DCAF6: variants seen among roughly 807,000 people sequenced by gnomAD.
The protein encoded by DCAF6 is DDB1 and CUL4 associated factor 6.
DCAF6 carries 54 observed loss-of-function variants against 125.1 expected under a neutral mutation model. The ratio of observed to expected loss-of-function variants is 0.43; its 90% confidence interval spans 0.35 to 0.54. The LOEUF (loss-of-function observed/expected upper bound fraction) is 0.54. Ranked by LOEUF, DCAF6 falls within the 20% of genes least tolerant of loss-of-function variation. The probability of loss-of-function intolerance (pLI) is 0.01; values close to 1 mark genes in which losing one functional copy is unlikely to be tolerated. For synonymous variants in DCAF6, 371 were observed against 390.4 expected (o/e 0.95, Z 0.58); for missense variants, 934 against 1,161.7 (o/e 0.80, Z 2.85).
chr1:167,898,607 TAA>T, the DCAF6 span, among the ~76,000 whole-genome samples: 1 of 94,808 alleles, frequency 1.1e-5, no homozygotes, highest in Non-Finnish European at 2.4e-5. Context: ...TTTTTTTTTT[TAA>T]AAAAAGAATG....
the DCAF6 span, among the ~76,000 whole-genome samples, chr1:167,876,749 G>A: frequency 1.3e-5 from 2 of 152,202 alleles, no homozygotes; most frequent in East Asian, 3.8e-4. Context: ...TGTGCCCTTT[G>A]CTGTGTAACT....
the DCAF6 span, among the ~76,000 whole-genome samples, chr1:167,884,109 C>A: frequency 6.6e-6 from 1 of 152,068 alleles, no homozygotes; most frequent in South Asian, 2.1e-4. Context: ...ACAAACAATC[C>A]AATTATACTC....
At chr1:167,994,481 A>G (rs1401868043) in intron 7 of DCAF6, among the ~76,000 whole-genome samples, 1 of 152,176 alleles carries the variant, frequency 6.6e-6, no homozygotes, top group Non-Finnish European at 1.5e-5. Context: ...TTTCACAGTT[A>G]CATACTAGTG....
chr1:167,900,946 G>A, the DCAF6 span, among the ~76,000 whole-genome samples: 24 of 152,278 alleles, frequency 1.6e-4, no homozygotes, highest in East Asian at 4.4e-3. Context: ...AGAATTCTAA[G>A]TTTTGCAAAG....
chr1:168,072,857 A>C (rs1009116007), intron 21 of DCAF6, among the ~76,000 whole-genome samples: 2 of 152,132 alleles, frequency 1.3e-5, no homozygotes, highest in Non-Finnish European at 2.9e-5. Context: ...TCTTCATATC[A>C]TTATCTTCCC....
chr1:168,050,762 CACAAAGGGAAACA>C (rs1689807950), intron 16 of DCAF6, 117 bp from the exon 17 acceptor site: 2 of 447,054 alleles, frequency 4.5e-6, no homozygotes, highest in Non-Finnish European at 7.8e-6. Context: ...TGCCCGAAGT[CACAAAGGGAAACA>C]AAAGTTTTTT....
At chr1:167,906,962 C>A in the DCAF6 span, among the ~76,000 whole-genome samples, 1 of 152,094 alleles carries the variant, frequency 6.6e-6, no homozygotes, top group Non-Finnish European at 1.5e-5. Flanking sequence ...TATGGTGTAC[C>A]ATACACCTTT....
chr1:167,892,632 A>T, the DCAF6 span, among the ~76,000 whole-genome samples: 1 of 152,292 alleles, frequency 6.6e-6, no homozygotes, highest in Non-Finnish European at 1.5e-5. Context: ...TTCAAAAGCC[A>T]TGAAGAGTCA....
intron 11 of DCAF6, among the ~76,000 whole-genome samples, chr1:168,016,388 G>A (rs991092998): frequency 3.9e-5 from 6 of 152,026 alleles, no homozygotes; most frequent in African/African-American, 1.4e-4. Context: ...CTAGATTTTA[G>A]AATTATAGTA....
rs201178684 is a variant in DCAF6, at chr1:168,043,097, C to T, written c.1800C>T (p.Val600=). The change falls in exon 14 of 22, where the codon GTC becomes GTT. Residue 600 remains valine (V), a synonymous_variant. Coordinates refer to ENST00000367840, the MANE Select transcript of DCAF6 (RefSeq NM_001198956.2). The part of the protein sequence containing the change: ...CKSEGQEESF[V]PQSSVQPPEG... ...CTGAGGGTCAGGAGGAATCTTTCGT[C>T]CCACAGAGCTCAGTGCAACCACCAG... 53 of 1,612,828 alleles carry T rather than the reference C, an allele frequency of 3.3e-5. No individual in the cohort carries two copies. Among genetic ancestry groups the T allele is most frequent in the Non-Finnish European group, 4.5e-5 (53 of 1,179,324 alleles).
chr1:167,907,038 T>C, the DCAF6 span, among the ~76,000 whole-genome samples: 2 of 152,144 alleles, frequency 1.3e-5, no homozygotes, highest in African/African-American at 2.4e-5. Context: ...TAAGAAAGAA[T>C]TGAAATCCAA....
intron 10 of DCAF6, among the ~76,000 whole-genome samples, chr1:168,010,398 G>A (rs780217874): frequency 2.6e-5 from 4 of 152,056 alleles, no homozygotes; most frequent in Non-Finnish European, 5.9e-5. Context: ...AATCTAGAGG[G>A]GTCACAGTGT....
In DCAF6 at chr1:168,043,076, G is replaced by A. The variant is rs1688754209; in HGVS notation, c.1779G>A (p.Glu593=). The A allele has an allele frequency of 1.9e-6, 3 of 1,612,810 alleles. No individual in the cohort carries two copies. Among genetic ancestry groups the A allele is most frequent in the Non-Finnish European group, 8.5e-7 (1 of 1,179,376 alleles). The change falls in exon 14 of 22, where the codon GAG becomes GAA. Residue 593 remains glutamate (E), a synonymous_variant. Transcript: ENST00000367840. Reference sequence around the variant, plus strand: ...GAATTGGGAGCCATTGCAAATCTGAGGGTCAGGAGGAATCTTTCGTCCCAC... The same window carrying A: ...GAATTGGGAGCCATTGCAAATCTGAAGGTCAGGAGGAATCTTTCGTCCCAC... ...SRGIGSHCKS[E]GQEESFVPQS... is the part of the protein sequence containing the mutation.
chr1:167,996,706 T>G (rs1681758260), intron 7 of DCAF6, among the ~76,000 whole-genome samples: 1 of 152,226 alleles, frequency 6.6e-6, no homozygotes, highest in African/African-American at 2.4e-5. Context: ...TTACTTCTAC[T>G]GTTTTCTTCT....
rs1683119909 is a variant in DCAF6 at position 168,004,789 on chromosome 1, G to C, written c.1374G>C (p.Gln458His). The change falls in exon 10 of 22, where the codon CAG becomes CAC. Residue 458 changes from glutamine (Q) to histidine (H), a missense_variant. Gln to His is a conservative substitution (Grantham distance 24, BLOSUM62 0). Transcript: ENST00000367840. ...VEASGHHTHH[Q>H]SEFLRGPEIA... ...CATCTGGACACCACACACATCATCA[G>C]TCTGGTGAGGATAAGTATGCTGTGG... The C allele has an allele frequency of 6.2e-7, 1 of 1,613,666 alleles. No homozygotes were observed. Among genetic ancestry groups the C allele is most frequent in the Middle Eastern group, 1.7e-4 (1 of 6,060 alleles).
At chr1:168,062,184 C>G (rs1047221938) in intron 17 of DCAF6, among the ~76,000 whole-genome samples, 1 of 152,102 alleles carries the variant, frequency 6.6e-6, no homozygotes, top group Non-Finnish European at 1.5e-5. Flanking sequence ...AATTAAAGTT[C>G]ACAAGCAGGC....
chr1:168,012,777 C>T (rs1684475559), intron 10 of DCAF6, among the ~76,000 whole-genome samples: 2 of 152,074 alleles, frequency 1.3e-5, no homozygotes, highest in Middle Eastern at 3.2e-3. Context: ...GCTTTCAAAG[C>T]AGATAAATTC....
At chr1:167,920,683 G>C in the DCAF6 span, 1 of 1,539,614 alleles carries the variant, frequency 6.5e-7, no homozygotes, top group Non-Finnish European at 8.8e-7. Flanking sequence ...TGGAGTAATA[G>C]TTTTAACTTT....
At chr1:167,933,044 G>A (rs561803488), upstream of DCAF6, among the ~76,000 whole-genome samples, 59 of 152,090 alleles carry the variant, frequency 3.9e-4, no homozygotes, top group Non-Finnish European at 7.2e-4. Context: ...CTCTACAGTG[G>A]CAGATCATGA....
Sources: gnomAD v4.1 joint callset for allele counts (sites outside exome capture counted in the v4.1 genomes callset) on GRCh38, gnomAD v4.1.1 for gene constraint, MANE v1.5 for transcripts, NCBI Gene and HGNC (gene_info 2026-07-23, HGNC 2026-07-21) for gene names.